MKRN2OS: variants seen among roughly 807,000 people sequenced by gnomAD.
The protein encoded by MKRN2OS is MKRN2 opposite strand.
Under a neutral mutation model 18.2 loss-of-function variants are expected in MKRN2OS, and 17 were observed. The ratio of observed to expected loss-of-function variants is 0.93; its 90% CI spans 0.64 to 1.40. The LOEUF (loss-of-function observed/expected upper bound fraction) is 1.40, where lower values mean the gene tolerates loss of function less well. Among genes scored for constraint, MKRN2OS ranks in the 40% most tolerant of loss-of-function variants. The pLI, the probability that MKRN2OS is intolerant of heterozygous loss-of-function variation, is 0.00. For synonymous variants in MKRN2OS, 121 were observed against 108.5 expected (o/e 1.12, Z -0.72); for missense variants, 337 against 283.0 (o/e 1.19, Z -1.37).
downstream of MKRN2OS, among the ~76,000 whole-genome samples, chr3:12,552,100 A>C (rs1180518676): frequency 6.6e-6 from 1 of 151,752 alleles, no homozygotes; most frequent in Non-Finnish European, 1.5e-5. Context: ...CAGGTGAATC[A>C]CCAAGTCAGG....
At chr3:12,548,231 G>A (rs1457861874), upstream of MKRN2OS, among the ~76,000 whole-genome samples, 1 of 151,918 alleles carries the variant, frequency 6.6e-6, no homozygotes, top group Non-Finnish European at 1.5e-5. Context: ...GGTGGATCAC[G>A]AGGTCAGGAG....
chr3:12,540,843 C>G (rs1157663190), intron 3 of MKRN2OS, among the ~76,000 whole-genome samples: 1 of 139,434 alleles, frequency 7.2e-6, no homozygotes, highest in East Asian at 2.1e-4. Flanking sequence ...CACTGTACTC[C>G]AGCCTGGGTG....
chr3:12,554,022 C>G (rs920909684), exon 2 of MKRN2OS: 1 of 152,200 alleles, frequency 6.6e-6, no homozygotes, highest in Non-Finnish European at 1.5e-5. Context: ...CCCAGATGGC[C>G]ATTTTGAGTC....
chr3:12,559,821 C>G (rs2058021586), intron 1 of MKRN2OS, among the ~76,000 whole-genome samples: 1 of 152,184 alleles, frequency 6.6e-6, no homozygotes, highest in Admixed American at 6.5e-5. Context: ...CTTATTATAG[C>G]TTAGTAACCA....
chr3:12,541,828 TCAGCGAGGGGG>T lies in MKRN2OS; in HGVS notation c.431+21_431+31del, dbSNP rs1388953592. 6 of 1,527,310 alleles carry T rather than the reference TCAGCGAGGGGG, an allele frequency of 3.9e-6. No homozygotes were observed. In the Admixed American group the frequency reaches 9.9e-5, roughly 25 times the overall value. The allele number at this position is 1,527,310 out of a possible 1,614,324, so 94.6% of individuals were successfully genotyped here. Reference sequence around the variant, plus strand: ...ATCCCACTTGCATAGCATGTGAGTGTCAGCGAGGGGGCAGCATTTGCAGTCGTGTACCTGTG... The same window carrying T: ...ATCCCACTTGCATAGCATGTGAGTGTCAGCATTTGCAGTCGTGTACCTGTG... On this transcript the variant is annotated intron_variant, in intron 3 of 3. Coordinates refer to ENST00000564146, the MANE Select transcript of MKRN2OS (RefSeq NM_001195279.2).
Position 12,545,332 on chromosome 3 carries a change from G to A in MKRN2OS, c.133C>T (p.Pro45Ser), listed in dbSNP as rs745348516. The A allele has an allele frequency of 9.8e-6, 15 of 1,536,112 alleles. No homozygotes were observed. Among genetic ancestry groups the A allele is most frequent in the Non-Finnish European group, 1.3e-5 (15 of 1,146,902 alleles). The change falls in exon 1 of 4, where the codon CCT (proline) becomes TCT (serine). Residue 45 changes from proline to serine, a missense_variant. Coordinates refer to ENST00000564146, the MANE Select transcript of MKRN2OS (RefSeq NM_001195279.2). Reference protein sequence around the residue: ...DLGSRKLEDAPVSIANPFTNG... With the variant: ...DLGSRKLEDASVSIANPFTNG... The stretch of plus-strand genomic sequence containing the variant: ...GTAAATGGATTAGCGATGCTAACAG[G>A]TGCGTCCTCCAGCTTCCTCGAGCCC...
chr3:12,545,150 A>G (rs2057868263), intron 1 of MKRN2OS, 97 bp downstream of exon 1: 1 of 1,003,604 alleles, frequency 1.0e-6, no homozygotes, highest in Non-Finnish European at 1.4e-6. Context: ...TGTCCACCAA[A>G]CCTCACACAT....
At chr3:12,542,070 C>T (rs2057822503) in intron 2 of MKRN2OS, 48 bp from the exon 3 acceptor site, 3 of 1,496,630 alleles carry the variant, frequency 2.0e-6, no homozygotes, top group Non-Finnish European at 2.7e-6. Context: ...AAACACACAC[C>T]TCTGTGAAAA....
At chr3:12,550,928 A>C (rs1327520374), downstream of MKRN2OS, among the ~76,000 whole-genome samples, 1 of 152,174 alleles carries the variant, frequency 6.6e-6, no homozygotes, top group Non-Finnish European at 1.5e-5. Flanking sequence ...TGATTCCTTA[A>C]AGGAAAGTGT....
chr3:12,550,910 T>A (rs1164168243), downstream of MKRN2OS, among the ~76,000 whole-genome samples: 2 of 152,198 alleles, frequency 1.3e-5, no homozygotes, highest in Non-Finnish European at 2.9e-5. Flanking sequence ...AGTGGGTACA[T>A]ATCCATTTGA....
intron 1 of MKRN2OS, among the ~76,000 whole-genome samples, chr3:12,544,355 C>G (rs79094385): frequency 0.013 from 1,961 of 152,210 alleles, 46 homozygotes; most frequent in African/African-American, 0.044. Context: ...GATCCTAATC[C>G]TATTGGTAAA....
At chr3:12,553,259 G>C (rs1404175738), downstream of MKRN2OS, among the ~76,000 whole-genome samples, 2 of 151,996 alleles carry the variant, frequency 1.3e-5, no homozygotes, top group African/African-American at 2.4e-5. Context: ...CATACACAAG[G>C]ATGCAAAAAT....
chr3:12,544,870 G>A (rs561053941), intron 1 of MKRN2OS, among the ~76,000 whole-genome samples: 8 of 152,092 alleles, frequency 5.3e-5, no homozygotes, highest in Non-Finnish European at 1.0e-4. Flanking sequence ...CCCGTTCATC[G>A]GGCCCTGTAG....
At chr3:12,559,365 A>G (rs981045114) in intron 1 of MKRN2OS, among the ~76,000 whole-genome samples, 2 of 152,154 alleles carry the variant, frequency 1.3e-5, no homozygotes, top group Non-Finnish European at 1.5e-5. Flanking sequence ...ATTTATAGGA[A>G]ATGTTCAAGG....
At chr3:12,557,590 A>T (rs1022492148) in intron 1 of MKRN2OS, among the ~76,000 whole-genome samples, 5 of 152,278 alleles carry the variant, frequency 3.3e-5, no homozygotes, top group African/African-American at 1.2e-4. Context: ...TAATTTGTTA[A>T]TCGATTATGA....
Position 12,545,404 on chromosome 3 carries a change from A to G in MKRN2OS, c.61T>C (p.Tyr21His), listed in dbSNP as rs2057872482. ...CAGCACTGGGGCACACTGAAGCTGT[A>G]GATGTATTTCTCACAGTGGTTGAAT... is the stretch of plus-strand genomic sequence containing the variant. The part of the protein sequence containing the change: ...IKFNHCEKYI[Y>H]SFSVPQCCPL... The change falls in exon 1 of 4, where the codon TAC becomes CAC. Residue 21 changes from tyrosine (Y) to histidine (H), a missense_variant. Physicochemically the swap from Tyr to His is moderately conservative, Grantham distance 83 (BLOSUM62 2). Coordinates refer to ENST00000564146, the MANE Select transcript of MKRN2OS (RefSeq NM_001195279.2). 9.1e-6 allele frequency: 14 copies of G among 1,535,684 alleles called. No individual in the cohort carries two copies. The highest frequency in any genetic ancestry group is 1.7e-4 in the Middle Eastern group (1 of 5,810).
chr3:12,541,225 GT>G (rs1018708012), intron 3 of MKRN2OS, among the ~76,000 whole-genome samples: 24 of 412 alleles, frequency 0.058, no homozygotes, highest in African/African-American at 0.18. Flanking sequence ...TGGTTTTTGT[GT>G]TTTTTTGTTT....
intron 1 of MKRN2OS, chr3:12,557,113 A>C (rs746318391): frequency 2.0e-6 from 3 of 1,484,686 alleles, no homozygotes; most frequent in Non-Finnish European, 2.7e-6. Context: ...CGGCTGCGAG[A>C]GGCGGCGGCA....
At chr3:12,555,401 A>C (rs775567201) in intron 1 of MKRN2OS, among the ~76,000 whole-genome samples, 3 of 152,174 alleles carry the variant, frequency 2.0e-5, no homozygotes, top group Non-Finnish European at 2.9e-5. Context: ...TATTCAAGAC[A>C]CTGAAAACAA....
Sources: allele counts gnomAD v4.1 joint callset (sites outside exome capture counted in the v4.1 genomes callset), GRCh38; gene constraint gnomAD v4.1.1; transcripts MANE v1.5; gene names NCBI Gene and HGNC (gene_info 2026-07-23, HGNC 2026-07-21).